The following PCDH15 variants were observed in gnomAD, a reference collection of about 807,000 sequenced individuals.
The protein encoded by PCDH15 is protocadherin related 15, also known as protocadherin-15.
PCDH15 carries 129 observed loss-of-function variants against 178.5 expected under a neutral mutation model. That is an observed-to-expected ratio of 0.72 (90% CI 0.63 to 0.84). PCDH15 has a LOEUF of 0.84. PCDH15 is among the 40% of genes least tolerant of loss of function. PCDH15 has a pLI of 0.00. For missense variants in PCDH15, 2,230 were observed against 2,099.9 expected (o/e 1.06, Z -1.21); for synonymous variants, 800 against 732.0 (o/e 1.09, Z -1.50).
At chr10:53,864,290 G>A (rs1324747726) in intron 27 of PCDH15, among the ~76,000 whole-genome samples, 1 of 152,050 alleles carries the variant, frequency 6.6e-6, no homozygotes, top group African/African-American at 2.4e-5. Context: ...TCCTGGGTCT[G>A]GGGGCAGGGA....
chr10:54,064,629 C>T (rs994667101), intron 18 of PCDH15, among the ~76,000 whole-genome samples: 5 of 152,176 alleles, frequency 3.3e-5, no homozygotes, highest in East Asian at 1.9e-4. Flanking sequence ...TGTTCATTGG[C>T]GCCCAAAGTT....
At chr10:53,988,861 A>C (rs967603682) in intron 21 of PCDH15, among the ~76,000 whole-genome samples, 24 of 151,692 alleles carry the variant, frequency 1.6e-4, no homozygotes, top group Admixed American at 2.6e-4. Context: ...TGATACTGTT[A>C]AAAGAAAAGC....
chr10:54,358,655 T>C (rs1375604550), intron 5 of PCDH15, among the ~76,000 whole-genome samples: 1 of 152,048 alleles, frequency 6.6e-6, no homozygotes, highest in Non-Finnish European at 1.5e-5. Flanking sequence ...GCCATCCCAT[T>C]ACTGGGTATA....
chr10:55,580,219 C>T (rs988669598), intron 2 of PCDH15, among the ~76,000 whole-genome samples: 1 of 152,122 alleles, frequency 6.6e-6, no homozygotes, highest in Non-Finnish European at 1.5e-5. Flanking sequence ...TTATATACTT[C>T]ATTTTCTTAA....
At chr10:55,165,773 G>A (rs1354560881) in intron 2 of PCDH15, among the ~76,000 whole-genome samples, 1 of 151,830 alleles carries the variant, frequency 6.6e-6, no homozygotes, top group East Asian at 1.9e-4. Context: ...GCAAATTACA[G>A]TTATATATTT....
intron 2 of PCDH15, among the ~76,000 whole-genome samples, chr10:55,511,429 C>G (rs186649660): frequency 1.2e-4 from 18 of 152,096 alleles, no homozygotes; most frequent in Non-Finnish European, 1.9e-4. Flanking sequence ...GTTCTTAATT[C>G]TATTTCCAAA....
intron 2 of PCDH15, chr10:54,568,649 CCCCA>C (rs1280206721): frequency 2.6e-5 from 4 of 152,080 alleles, no homozygotes; most frequent in Non-Finnish European, 5.9e-5. Context: ...CCACTATCTA[CCCCA>C]CCCTTTCCAT....
intron 1 of PCDH15, among the ~76,000 whole-genome samples, chr10:54,759,731 CCTAA>C (rs1442658802): frequency 1.3e-5 from 2 of 152,116 alleles, no homozygotes; most frequent in Admixed American, 1.3e-4. Context: ...TAAAATCTTC[CCTAA>C]CTTTTTGAGA....
At chr10:54,233,631 T>A (rs927048393) in intron 9 of PCDH15, among the ~76,000 whole-genome samples, 4 of 152,336 alleles carry the variant, frequency 2.6e-5, no homozygotes, top group African/African-American at 4.8e-5. Context: ...TTTGTAGATA[T>A]CTTTTAGGTC....
intron 16 of PCDH15, among the ~76,000 whole-genome samples, chr10:54,089,156 T>TAACGTGA: frequency 1.3e-5 from 2 of 152,364 alleles, no homozygotes; most frequent in South Asian, 4.1e-4. Context: ...CTGGGAAGAC[T>TAACGTGA]AATTGACCAG....
intron 21 of PCDH15, among the ~76,000 whole-genome samples, chr10:53,965,445 A>T (rs549169379): frequency 2.6e-5 from 4 of 152,228 alleles, no homozygotes; most frequent in Non-Finnish European, 5.9e-5. Flanking sequence ...CAAAGTTATT[A>T]ATTGAACAAA....
chr10:54,998,788 CT>C (rs1354501834), intron 2 of PCDH15, among the ~76,000 whole-genome samples: 3 of 152,102 alleles, frequency 2.0e-5, no homozygotes, highest in Admixed American at 2.0e-4. Context: ...ACAACATTTA[CT>C]TGTCAAATGC....
chr10:54,646,053 A>G (rs773290637), intron 2 of PCDH15, among the ~76,000 whole-genome samples: 43 of 152,122 alleles, frequency 2.8e-4, no homozygotes, highest in Admixed American at 5.9e-4. Flanking sequence ...TATTTATTTT[A>G]TATTCACACA....
chr10:54,596,604 T>C (rs2092253549), intron 2 of PCDH15, among the ~76,000 whole-genome samples: 1 of 152,162 alleles, frequency 6.6e-6, no homozygotes, highest in African/African-American at 2.4e-5. Context: ...ACATTAATAC[T>C]AACCTTGAAT....
At chr10:54,043,940 T>C (rs1006935985) in intron 18 of PCDH15, among the ~76,000 whole-genome samples, 1 of 152,170 alleles carries the variant, frequency 6.6e-6, no homozygotes, top group Non-Finnish European at 1.5e-5. Context: ...AGCAAGATGA[T>C]AGATGTCCTC....
At chr10:54,162,899 G>A (rs753017490) in intron 13 of PCDH15, among the ~76,000 whole-genome samples, 12 of 152,128 alleles carry the variant, frequency 7.9e-5, no homozygotes, top group South Asian at 4.2e-4. Context: ...GGCATTCTTC[G>A]GTGGTTTCCT....
chr10:55,501,107 TAAG>T (rs1840647035), intron 2 of PCDH15, among the ~76,000 whole-genome samples: 1 of 151,758 alleles, frequency 6.6e-6, no homozygotes, highest in East Asian at 2.0e-4. Flanking sequence ...TCTGTCCTTT[TAAG>T]AAGAGAAGAC....
intron 2 of PCDH15, among the ~76,000 whole-genome samples, chr10:55,147,034 G>C (rs1157124414): frequency 6.6e-6 from 1 of 150,896 alleles, no homozygotes. Flanking sequence ...TTTAAAACAA[G>C]AACAATTACC....
chr10:55,297,332 G>T (rs1036168455), intron 1 of PCDH15, among the ~76,000 whole-genome samples: 1 of 151,900 alleles, frequency 6.6e-6, no homozygotes, highest in Non-Finnish European at 1.5e-5. Flanking sequence ...TGATAATCTG[G>T]ATTTCATAAA....
Sources: allele counts gnomAD v4.1 joint callset (sites outside exome capture counted in the v4.1 genomes callset), GRCh38; gene constraint gnomAD v4.1.1; transcripts MANE v1.5; gene names NCBI Gene and HGNC (gene_info 2026-07-23, HGNC 2026-07-21).